Variants in MET observed in about 807,000 individuals in gnomAD.
The protein encoded by MET is MET proto-oncogene, receptor tyrosine kinase.
In MET, 48 loss-of-function variants were observed where a neutral mutation model predicts 133.1. That is an observed-to-expected ratio of 0.36 (90% CI 0.29 to 0.46). The LOEUF (loss-of-function observed/expected upper bound fraction) is 0.46, where lower values mean the gene tolerates loss of function less well. Among genes scored for constraint, MET ranks in the 20% least tolerant of loss-of-function variants. The pLI is 1.00. For synonymous variants in MET, 628 were observed against 616.5 expected (o/e 1.02, Z -0.28); for missense variants, 1,442 against 1,695.9 (o/e 0.85, Z 2.63).
At chr7:116,777,697 T>C (rs893201827) in intron 16 of MET, among the ~76,000 whole-genome samples, 2 of 152,102 alleles carry the variant, frequency 1.3e-5, no homozygotes, top group Non-Finnish European at 2.9e-5. Flanking sequence ...AGAAATGAGG[T>C]TCTTGGATGA....
intron 1 of MET, among the ~76,000 whole-genome samples, chr7:116,678,315 A>G (rs1796231628): frequency 6.6e-6 from 1 of 152,190 alleles, no homozygotes; most frequent in Non-Finnish European, 1.5e-5. Flanking sequence ...AACAGTGCAC[A>G]TACAGTATAC....
rs1045025593 is a variant in MET at position 116,795,616 on chromosome 7, C to T, written c.3799-39C>T. On this transcript the variant is annotated intron_variant, in intron 19 of 20. Transcript: ENST00000397752. ...ATTTCCTTTCATATATGTATGGTCA[C>T]ATCTCTCACCTCATCTGTCCTGTTT... 14 of 1,612,098 alleles carry T rather than the reference C, an allele frequency of 8.7e-6. 1 individual carries two copies. In the Admixed American group the frequency reaches 1.8e-4, roughly 21 times the overall value.
intron 5 of MET, among the ~76,000 whole-genome samples, chr7:116,751,306 G>C (rs1793910513): frequency 6.6e-6 from 1 of 152,160 alleles, no homozygotes; most frequent in Non-Finnish European, 1.5e-5. Context: ...GTAATTCCCA[G>C]CAAGCTAACA....
In MET at chr7:116,769,810, T is replaced by A. The variant is rs1052339679; in HGVS notation, c.2730+19T>A. On this transcript the variant is annotated intron_variant, in intron 12 of 20. Coordinates refer to ENST00000397752, the MANE Select transcript of MET (RefSeq NM_000245.4). Reference sequence around the variant, plus strand: ...TATAGAGGTGGGATTCCTGCATTCCTCTCATGATGTAAATAAGGAAGCCAG... The same window carrying A: ...TATAGAGGTGGGATTCCTGCATTCCACTCATGATGTAAATAAGGAAGCCAG... 3 of 1,613,562 alleles carry A rather than the reference T, an allele frequency of 1.9e-6. No individual in the cohort carries two copies. Among genetic ancestry groups the A allele is most frequent in the Non-Finnish European group, 2.5e-6 (3 of 1,179,630 alleles).
chr7:116,792,443 C>T (rs1011683805), intron 19 of MET, among the ~76,000 whole-genome samples: 1 of 136,308 alleles, frequency 7.3e-6, no homozygotes, highest in Non-Finnish European at 1.6e-5. Context: ...CCCCGACCCC[C>T]CCTCAACCGA....
intron 2 of MET, chr7:116,724,643 G>A (rs1792666513): frequency 2.3e-6 from 1 of 440,568 alleles, no homozygotes; most frequent in Admixed American, 2.4e-5. Flanking sequence ...TGTTCTGACA[G>A]CAGACTGATA....
chr7:116,758,692 A>C, intron 9 of MET, 72 bp downstream of exon 9: 1 of 1,472,550 alleles, frequency 6.8e-7, no homozygotes, highest in Non-Finnish European at 9.4e-7. Context: ...AATAGTCAAG[A>C]GGAATTGCAG....
intron 18 of MET, among the ~76,000 whole-genome samples, chr7:116,782,653 G>A (rs1327462031): frequency 1.3e-5 from 2 of 152,198 alleles, no homozygotes; most frequent in Admixed American, 6.5e-5. Flanking sequence ...CTTATGGTAT[G>A]TGTGAATGAA....
Position 116,686,180 on chromosome 7 carries a change from A to C in MET, c.-14-12891A>C, listed in dbSNP as rs144899198. On this transcript the variant is annotated intron_variant, in intron 1 of 20. Coordinates refer to ENST00000397752, the MANE Select transcript of MET (RefSeq NM_000245.4). Reference sequence around the variant, plus strand: ...CCCATTTCACTCCAATAAAAACCTGAATCTCCCAGGGGCCTACAAGGCCTT... The same window carrying C: ...CCCATTTCACTCCAATAAAAACCTGCATCTCCCAGGGGCCTACAAGGCCTT... Among the ~76,000 whole-genome samples, 291 of 152,144 alleles carry C rather than the reference A, an allele frequency of 1.9e-3. 1 individual carries two copies. Among genetic ancestry groups the C allele is most frequent in the Non-Finnish European group, 3.2e-3 (219 of 68,016 alleles).
chr7:116,684,309 C>T (rs1796466910), intron 1 of MET, among the ~76,000 whole-genome samples: 2 of 152,130 alleles, frequency 1.3e-5, no homozygotes, highest in Non-Finnish European at 2.9e-5. Flanking sequence ...TGTTCAGGAA[C>T]ATTCTTTTGT....
intron 2 of MET, among the ~76,000 whole-genome samples, chr7:116,718,586 C>T (rs1792339571): frequency 6.6e-6 from 1 of 150,492 alleles, no homozygotes; most frequent in African/African-American, 2.4e-5. Flanking sequence ...TGGTGTGCTG[C>T]ACCCACTAAC....
rs1352602498 is a variant in MET, at chr7:116,769,598, C to T, written c.2584-47C>T. 4 of 1,602,370 alleles carry T rather than the reference C, an allele frequency of 2.5e-6. No homozygotes were observed. In the East Asian group the frequency reaches 8.9e-5, roughly 36 times the overall value. Reference sequence around the variant, plus strand: ...TCCTTTGCCATTGTTAGCATTCCTGCAGAACTGTGAAGTGTTAACAACCTT... The same window carrying T: ...TCCTTTGCCATTGTTAGCATTCCTGTAGAACTGTGAAGTGTTAACAACCTT... On this transcript the variant is annotated intron_variant, in intron 11 of 20. Transcript: ENST00000397752.
At chr7:116,792,363 C>T (rs1040707623) in intron 19 of MET, among the ~76,000 whole-genome samples, 2 of 151,966 alleles carry the variant, frequency 1.3e-5, no homozygotes, top group Non-Finnish European at 1.5e-5. Flanking sequence ...GATGATAGCG[C>T]TCTCATGGCT....
intron 5 of MET, among the ~76,000 whole-genome samples, chr7:116,749,934 C>T (rs1793848494): frequency 6.7e-6 from 1 of 150,230 alleles, no homozygotes; most frequent in Non-Finnish European, 1.5e-5. Context: ...GAACTACAAA[C>T]CACAAGCAAA....
At chr7:116,788,771 T>C (rs1448515913) in intron 19 of MET, among the ~76,000 whole-genome samples, 2 of 152,130 alleles carry the variant, frequency 1.3e-5, no homozygotes, top group South Asian at 2.1e-4. Flanking sequence ...AAGCATGCAA[T>C]GAGCTATGTG....
At chr7:116,759,673 A>G in intron 10 of MET, 183 bp downstream of exon 10, 1 of 711,968 alleles carries the variant, frequency 1.4e-6, no homozygotes, top group Non-Finnish European at 2.5e-6. Context: ...TGGGCTAACC[A>G]TGTGGAAAAA....
At chr7:116,755,295 A>G (rs962964191) in intron 5 of MET, 60 bp from the exon 6 acceptor site, 5 of 1,568,500 alleles carry the variant, frequency 3.2e-6, no homozygotes, top group East Asian at 2.3e-5. Context: ...TTCGTTTTCC[A>G]TATATGTGAA....
intron 2 of MET, among the ~76,000 whole-genome samples, chr7:116,725,575 A>G (rs955242591): frequency 2.0e-5 from 3 of 151,376 alleles, no homozygotes; most frequent in Non-Finnish European, 4.4e-5. Flanking sequence ...TACAAACATC[A>G]TAGAGTGTAC....
At chr7:116,754,930 AG>A (rs1794084631) in intron 5 of MET, among the ~76,000 whole-genome samples, 1 of 148,756 alleles carries the variant, frequency 6.7e-6, no homozygotes, top group South Asian at 2.2e-4. Flanking sequence ...AAAGAAAGAA[AG>A]AAAGAAAGAA....
Sources: gnomAD v4.1 joint callset for allele counts (sites outside exome capture counted in the v4.1 genomes callset) on GRCh38, gnomAD v4.1.1 for gene constraint, MANE v1.5 for transcripts, NCBI Gene and HGNC (gene_info 2026-07-23, HGNC 2026-07-21) for gene names.